MBD5: variants seen among roughly 807,000 people sequenced by gnomAD.
MBD5 encodes the protein methyl-CpG binding domain protein 5.
In MBD5, 13 loss-of-function variants were observed where a neutral mutation model predicts 117.3. That is an observed-to-expected ratio of 0.11 (90% CI 0.07 to 0.18). MBD5 has a LOEUF of 0.18. MBD5 is among the 10% of genes least tolerant of loss of function. MBD5 has a pLI of 1.00. For synonymous variants in MBD5, 727 were observed against 766.4 expected, an observed-to-expected ratio of 0.95 and a Z score of 0.85; for missense variants, 1,879 against 2,093.8, an observed-to-expected ratio of 0.90 and a Z score of 2.00.
intron 1 of MBD5, among the ~76,000 whole-genome samples, chr2:148,118,074 T>C (rs4001): frequency 0.44 from 66,406 of 151,900 alleles, 14,615 homozygotes; most frequent in Middle Eastern, 0.55. Context: ...ACTATAGCCC[T>C]TAAAGAATGG....
intron 1 of MBD5, among the ~76,000 whole-genome samples, chr2:148,165,882 G>T (rs1698115917): frequency 1.3e-5 from 2 of 152,004 alleles, no homozygotes; most frequent in Non-Finnish European, 2.9e-5. Context: ...GGAGCAAATT[G>T]TCTGATAATA....
chr2:148,099,663 A>G (rs752237848), intron 1 of MBD5, among the ~76,000 whole-genome samples: 1 of 152,168 alleles, frequency 6.6e-6, no homozygotes, highest in African/African-American at 2.4e-5. Flanking sequence ...CCAAATCAGA[A>G]TGTTTTACCA....
At chr2:148,134,217 T>C (rs1363659462) in intron 1 of MBD5, among the ~76,000 whole-genome samples, 3 of 113,478 alleles carry the variant, frequency 2.6e-5, no homozygotes, top group Non-Finnish European at 5.5e-5. Context: ...AGATGACAGA[T>C]AGATAGATAG....
At chr2:148,501,958 G>C (rs1681884586) in intron 11 of MBD5, among the ~76,000 whole-genome samples, 1 of 152,180 alleles carries the variant, frequency 6.6e-6, no homozygotes. Flanking sequence ...GGAGACTGAG[G>C]CTCAGAAAAT....
At chr2:148,280,575 G>C (rs1013698075) in intron 3 of MBD5, among the ~76,000 whole-genome samples, 1 of 152,094 alleles carries the variant, frequency 6.6e-6, no homozygotes, top group Admixed American at 6.6e-5. Flanking sequence ...GGGACCTCAG[G>C]TGTGCGCTCC....
chr2:148,043,120 A>G (rs927499894), intron 1 of MBD5, among the ~76,000 whole-genome samples: 1 of 152,134 alleles, frequency 6.6e-6, no homozygotes, highest in East Asian at 1.9e-4. Flanking sequence ...ACTCCACCCT[A>G]ATCTTATTGT....
intron 1 of MBD5, among the ~76,000 whole-genome samples, chr2:148,043,249 C>A (rs2105697846): frequency 6.6e-6 from 1 of 151,150 alleles, no homozygotes; most frequent in Admixed American, 6.6e-5. Context: ...CACAGTGAAA[C>A]CCTCTCTCTA....
intron 4 of MBD5, among the ~76,000 whole-genome samples, chr2:148,394,545 G>GTTTTTTTTTTTTTTTTTTTTT (rs71856376): frequency 2.5e-5 from 3 of 121,854 alleles, no homozygotes; most frequent in Middle Eastern, 4.0e-3. Context: ...CTGTACTTTG[G>GTTTTTTTTTTTTTTTTTTTTT]TTTTTTTTTT....
At chr2:148,085,139 A>G (rs1695744911) in intron 1 of MBD5, among the ~76,000 whole-genome samples, 1 of 152,174 alleles carries the variant, frequency 6.6e-6, no homozygotes. Context: ...GGTGAACAAC[A>G]TTGCTCAGGT....
chr2:148,280,635 G>C (rs999954413), intron 3 of MBD5, among the ~76,000 whole-genome samples: 3 of 152,078 alleles, frequency 2.0e-5, no homozygotes, highest in Non-Finnish European at 4.4e-5. Flanking sequence ...TTGCCATGTT[G>C]CCCAGGCGGG....
At chr2:148,267,521 A>G (rs1700886854) in intron 3 of MBD5, among the ~76,000 whole-genome samples, 1 of 152,034 alleles carries the variant, frequency 6.6e-6, no homozygotes, top group South Asian at 2.1e-4. Flanking sequence ...TTTCTCTCCC[A>G]TTTTTTTAAA....
intron 7 of MBD5, among the ~76,000 whole-genome samples, chr2:148,467,831 T>C (rs1234445408): frequency 6.6e-6 from 1 of 152,170 alleles, no homozygotes; most frequent in East Asian, 1.9e-4. Flanking sequence ...ACAAACATTT[T>C]GTTATAAGGG....
At chr2:148,166,929 T>C (rs1225076380) in intron 1 of MBD5, among the ~76,000 whole-genome samples, 6 of 152,158 alleles carry the variant, frequency 3.9e-5, no homozygotes, top group African/African-American at 1.4e-4. Context: ...TGAGGATTTA[T>C]TAATGAGGAT....
At chr2:148,202,251 A>G (rs1699165295) in intron 2 of MBD5, among the ~76,000 whole-genome samples, 1 of 152,218 alleles carries the variant, frequency 6.6e-6, no homozygotes, top group African/African-American at 2.4e-5. Flanking sequence ...AAAATAAAGC[A>G]TGGTAAATAG....
intron 2 of MBD5, among the ~76,000 whole-genome samples, chr2:148,229,282 A>G (rs575741237): frequency 6.6e-6 from 1 of 151,686 alleles, no homozygotes; most frequent in South Asian, 2.1e-4. Flanking sequence ...ATGGACTTTG[A>G]TGCATTTTTC....
At chr2:148,445,736 A>G (rs1706485295) in intron 4 of MBD5, among the ~76,000 whole-genome samples, 1 of 151,392 alleles carries the variant, frequency 6.6e-6, no homozygotes, top group South Asian at 2.1e-4. Flanking sequence ...TGGTTGAACT[A>G]GTTTACAGTC....
At chr2:148,349,728 A>G (rs1018358407) in intron 4 of MBD5, among the ~76,000 whole-genome samples, 1 of 152,020 alleles carries the variant, frequency 6.6e-6, no homozygotes, top group Non-Finnish European at 1.5e-5. Context: ...TTGGCAATAT[A>G]CAATAAGTCA....
chr2:148,213,698 C>T (rs1574144348), intron 2 of MBD5, among the ~76,000 whole-genome samples: 1 of 152,092 alleles, frequency 6.6e-6, no homozygotes, highest in South Asian at 2.1e-4. Context: ...TTTCTTTTAA[C>T]ACAGACTTTT....
At chr2:148,143,855 A>T (rs1031262120) in intron 1 of MBD5, among the ~76,000 whole-genome samples, 13 of 151,940 alleles carry the variant, frequency 8.6e-5, no homozygotes, top group East Asian at 1.9e-4. Context: ...TCTATCATTG[A>T]TGGACATTTG....
Sources: gnomAD v4.1 joint callset for allele counts (sites outside exome capture counted in the v4.1 genomes callset) on GRCh38, gnomAD v4.1.1 for gene constraint, MANE v1.5 for transcripts, NCBI Gene and HGNC (gene_info 2026-07-23, HGNC 2026-07-21) for gene names.